AFF1: variants seen among roughly 807,000 people sequenced by gnomAD.
The protein encoded by AFF1 is AF4/FMR2 family member 1.
In AFF1, 48 loss-of-function variants were observed where a neutral mutation model predicts 121.7. That is an observed-to-expected ratio of 0.39 (90% CI 0.31 to 0.50). The LOEUF is 0.50. Among genes scored for constraint, AFF1 ranks in the 20% least tolerant of loss-of-function variants. The pLI, the probability that AFF1 is intolerant of heterozygous loss-of-function variation, is 0.76. For missense variants in AFF1, 1,523 were observed against 1,511.7 expected, an observed-to-expected ratio of 1.01 and a Z score of -0.12; for synonymous variants, 613 against 563.0, an observed-to-expected ratio of 1.09 and a Z score of -1.26.
In AFF1 at chr4:87,138,543, ACAC is replaced by A. The variant is rs1227732180; in HGVS notation, c.*2843_*2845del. The A allele has an allele frequency of 4.9e-6, 1 of 203,424 alleles. No homozygotes were observed. Among genetic ancestry groups the A allele is most frequent in the Non-Finnish European group, 9.4e-6 (1 of 106,532 alleles). The allele number at this position is 203,424 out of a possible 1,614,324, so 12.6% of individuals were successfully genotyped here. The stretch of plus-strand genomic sequence containing the variant: ...TGTGTCTTTAGTAGGAAATGGAAGA[ACAC>A]TGTTTTATTTTTTAAAGTGTTTAAT... On this transcript the variant is annotated 3_prime_UTR_variant, in exon 21 of 21. Transcript: ENST00000395146.
At position 87,007,221 on chromosome 4, in the gene AFF1, C is replaced by G; in HGVS notation, c.39-38945C>G. ...CCATCAGGATTAGCGCGAGCCAATACGGGCCGAGCCCGGGGCTGCGCCGAG... is the reference window on the plus strand; with the variant it reads ...CCATCAGGATTAGCGCGAGCCAATAGGGGCCGAGCCCGGGGCTGCGCCGAG... On this transcript the variant is annotated intron_variant, in intron 2 of 20. Coordinates refer to ENST00000395146, the MANE Select transcript of AFF1 (RefSeq NM_001166693.3). The G allele has an allele frequency of 3.4e-6, 5 of 1,451,066 alleles. No homozygotes were observed. The South Asian group carries it at 5.7e-5, about 17-fold the overall frequency. 89.9% of individuals were successfully genotyped at this position (1,451,066 alleles called of 1,614,324 possible).
intron 8 of AFF1, among the ~76,000 whole-genome samples, chr4:87,099,303 A>G (rs774429968): frequency 2.9e-4 from 44 of 152,236 alleles, no homozygotes; most frequent in Non-Finnish European, 5.1e-4. Context: ...TCCCAAAAAC[A>G]AGGAACAAAC....
At chr4:87,049,014 A>G (rs980233125) in intron 4 of AFF1, among the ~76,000 whole-genome samples, 3 of 150,736 alleles carry the variant, frequency 2.0e-5, no homozygotes, top group East Asian at 3.9e-4. Context: ...AATTCAGGCA[A>G]TAAAGAACTC....
At chr4:87,110,818 T>C (rs1578269743) in intron 11 of AFF1, among the ~76,000 whole-genome samples, 1 of 152,200 alleles carries the variant, frequency 6.6e-6, no homozygotes, top group South Asian at 2.1e-4. Flanking sequence ...ATCCTTTTTT[T>C]CCTATTTCCA....
intron 2 of AFF1, chr4:87,007,210 G>A (rs1411674264): frequency 4.2e-6 from 6 of 1,433,628 alleles, no homozygotes; most frequent in Non-Finnish European, 5.4e-6. Flanking sequence ...CAGGATTAGC[G>A]CGAGCCAATA....
chr4:87,042,010 G>GAA (rs571154413), intron 2 of AFF1, among the ~76,000 whole-genome samples: 52 of 124,792 alleles, frequency 4.2e-4, no homozygotes, highest in East Asian at 9.2e-4. Context: ...ACTCCATCTG[G>GAA]AAAAAAAAAA....
In AFF1 at chr4:87,137,160, T is replaced by G; in HGVS notation, c.*1459T>G. On this transcript the variant is annotated 3_prime_UTR_variant, in exon 21 of 21. Coordinates refer to ENST00000395146, the MANE Select transcript of AFF1 (RefSeq NM_001166693.3). ...GTGTTTTTAAAAGCCAATTCTTTTT[T>G]ATCCCTTTTAGAAGTAGAATTTGCA... 1 of 227,620 alleles carries G rather than the reference T, an allele frequency of 4.4e-6. No homozygotes were observed. Among genetic ancestry groups the G allele is most frequent in the Admixed American group, 5.7e-5 (1 of 17,570 alleles). The allele number at this position is 227,620 out of a possible 1,614,324, so 14.1% of individuals were successfully genotyped here. A position where few individuals can be genotyped will look rare whatever the true frequency, so the allele number is the denominator to read the frequency against.
intron 14 of AFF1, 103 bp from the exon 15 acceptor site, chr4:87,126,923 T>G: frequency 1.0e-6 from 1 of 993,378 alleles, no homozygotes; most frequent in Non-Finnish European, 1.5e-6. Flanking sequence ...TGATTTACTC[T>G]TTTTTGAAAC....
At chr4:87,066,059 A>G (rs145649622) in intron 4 of AFF1, among the ~76,000 whole-genome samples, 2 of 152,044 alleles carry the variant, frequency 1.3e-5, no homozygotes, top group Non-Finnish European at 2.9e-5. Flanking sequence ...GTTCATGGAG[A>G]TTTCCTTCAT....
intron 12 of AFF1, among the ~76,000 whole-genome samples, chr4:87,117,860 C>G (rs1262602273): frequency 6.6e-6 from 1 of 152,046 alleles, no homozygotes; most frequent in Non-Finnish European, 1.5e-5. Flanking sequence ...CCCCCTTCCT[C>G]ATTAGCGCCC....
chr4:87,055,911 A>G (rs1301479471), intron 4 of AFF1, among the ~76,000 whole-genome samples: 1 of 152,184 alleles, frequency 6.6e-6, no homozygotes. Context: ...GCATGTTCAC[A>G]TTTCCCAAGA....
chr4:86,937,403 C>G (rs997950682), intron 1 of AFF1, among the ~76,000 whole-genome samples: 1 of 152,186 alleles, frequency 6.6e-6, no homozygotes, highest in Admixed American at 6.6e-5. Context: ...GGTAATAAGA[C>G]TATATCAAAA....
chr4:86,998,020 C>T (rs1172668484), intron 2 of AFF1, among the ~76,000 whole-genome samples: 4 of 144,972 alleles, frequency 2.8e-5, no homozygotes, highest in African/African-American at 7.7e-5. Flanking sequence ...ATCGCTTGAA[C>T]CCAGCAGGCG....
At chr4:87,071,585 C>T (rs977352375) in intron 4 of AFF1, among the ~76,000 whole-genome samples, 3 of 152,132 alleles carry the variant, frequency 2.0e-5, no homozygotes, top group Non-Finnish European at 4.4e-5. Context: ...GAAAGCAGTG[C>T]GGTGGCTCCA....
At position 87,116,500 on chromosome 4, in the gene AFF1, G is replaced by T. The variant is rs751556556; in HGVS notation, c.2466+1201G>T. On this transcript the variant is annotated intron_variant, in intron 12 of 20. Transcript: ENST00000395146. ...AAGGAATAAAATTTTTAACACTCTT[G>T]TAAGTATGTGAAAAACTTCTTACTC... is the stretch of plus-strand genomic sequence containing the variant. Among the ~76,000 whole-genome samples, 8 of 152,302 alleles carry T rather than the reference G, an allele frequency of 5.3e-5. No homozygotes were observed. The East Asian group carries it at 1.2e-3, about 22-fold the overall frequency.
intron 16 of AFF1, among the ~76,000 whole-genome samples, chr4:87,129,980 CTT>C (rs111862348): frequency 2.8e-5 from 4 of 144,580 alleles, no homozygotes; most frequent in Admixed American, 6.9e-5. Context: ...TTTTCTTTTT[CTT>C]TTTTTTTTTT....
intron 2 of AFF1, among the ~76,000 whole-genome samples, chr4:87,037,990 A>G (rs1169935085): frequency 8.5e-6 from 1 of 117,378 alleles, no homozygotes; most frequent in Non-Finnish European, 2.1e-5. Context: ...AAATACTATA[A>G]TAAATTATAA....
chr4:86,996,246 G>A (rs1363620205), intron 2 of AFF1, among the ~76,000 whole-genome samples: 5 of 152,124 alleles, frequency 3.3e-5, no homozygotes, highest in African/African-American at 7.2e-5. Context: ...CATTGAGAAC[G>A]GGCCATGATG....
At chr4:87,108,858 T>C (rs963284131) in intron 11 of AFF1, among the ~76,000 whole-genome samples, 1 of 152,194 alleles carries the variant, frequency 6.6e-6, no homozygotes, top group African/African-American at 2.4e-5. Flanking sequence ...TTCTTGCTCC[T>C]TTCTGTCCCA....
Sources: allele counts gnomAD v4.1 joint callset (sites outside exome capture counted in the v4.1 genomes callset), GRCh38; gene constraint gnomAD v4.1.1; transcripts MANE v1.5; gene names NCBI Gene and HGNC (gene_info 2026-07-23, HGNC 2026-07-21).